Variants in ZNF407 observed in about 807,000 individuals in gnomAD.
The protein encoded by ZNF407 is zinc finger protein 407.
ZNF407 carries 17 observed loss-of-function variants against 131.2 expected under a neutral mutation model. That is an observed-to-expected ratio of 0.13 (90% confidence interval 0.09 to 0.19). ZNF407 has a LOEUF of 0.19. Ranked by LOEUF, ZNF407 falls within the 10% of genes least tolerant of loss-of-function variation. ZNF407 has a pLI of 1.00. For synonymous variants in ZNF407, 1,156 were observed against 1,062.0 expected (o/e 1.09, Z -1.72); for missense variants, 2,681 against 2,830.6 (o/e 0.95, Z 1.20).
intron 8 of ZNF407, among the ~76,000 whole-genome samples, chr18:75,015,745 G>T (rs1049984845): frequency 6.6e-6 from 1 of 151,500 alleles, no homozygotes; most frequent in Admixed American, 6.6e-5. Flanking sequence ...CTCATCAAAA[G>T]TACCCTGGCA....
In ZNF407 at chr18:74,932,193, A is replaced by C. The variant is rs187264984; in HGVS notation, c.5428+11501A>C. Among the ~76,000 whole-genome samples, 11 of 152,302 alleles carry C rather than the reference A, an allele frequency of 7.2e-5. No homozygotes were observed. The East Asian group carries it at 2.1e-3, about 29-fold the overall frequency. ...CACTTTACATTTAGTTCTGTGATCC[A>C]CTTTGAGTCATATTTTGTATAACAT... On this transcript the variant is annotated intron_variant, in intron 8 of 8. Coordinates refer to ENST00000299687, the MANE Select transcript of ZNF407 (RefSeq NM_017757.3).
chr18:74,607,661 A>G (rs117709715), intron 1 of ZNF407, among the ~76,000 whole-genome samples: 2,226 of 152,272 alleles, frequency 0.015, 29 homozygotes, highest in Non-Finnish European at 0.021. Context: ...TAGAGTGTAT[A>G]GGAGTGAAAA....
chr18:74,647,498 A>G (rs1985027526), intron 3 of ZNF407, among the ~76,000 whole-genome samples: 1 of 151,710 alleles, frequency 6.6e-6, no homozygotes, highest in Non-Finnish European at 1.5e-5. Context: ...CCTGATCCCC[A>G]CAGTAGAATA....
intron 3 of ZNF407, among the ~76,000 whole-genome samples, chr18:74,662,670 G>A (rs6566054): frequency 0.62 from 94,379 of 152,120 alleles, 30,822 homozygotes; most frequent in East Asian, 0.81. Flanking sequence ...GCCAGGCATA[G>A]CAGCAGACAG....
intron 1 of ZNF407, among the ~76,000 whole-genome samples, chr18:74,628,016 A>G (rs1324894090): frequency 4.6e-5 from 7 of 152,114 alleles, no homozygotes; most frequent in East Asian, 1.9e-4. Context: ...CTGGGACTAC[A>G]GGTTCACACC....
chr18:74,617,687 C>T (rs933092974), intron 1 of ZNF407, among the ~76,000 whole-genome samples: 2 of 152,186 alleles, frequency 1.3e-5, no homozygotes, highest in African/African-American at 2.4e-5. Flanking sequence ...TGGAGACACA[C>T]TGTGTCCATC....
At chr18:74,640,140 A>G (rs1217776476) in intron 2 of ZNF407, among the ~76,000 whole-genome samples, 3 of 152,036 alleles carry the variant, frequency 2.0e-5, no homozygotes, top group Admixed American at 6.6e-5. Flanking sequence ...TGGTGTATCT[A>G]TTTTATGTCT....
At chr18:75,020,227 G>A (rs1004988266) in intron 8 of ZNF407, among the ~76,000 whole-genome samples, 1 of 152,026 alleles carries the variant, frequency 6.6e-6, no homozygotes, top group African/African-American at 2.4e-5. Flanking sequence ...GTATGTGTAT[G>A]TAGGAAAAAG....
At chr18:74,873,609 C>A (rs1971116858) in intron 4 of ZNF407, among the ~76,000 whole-genome samples, 1 of 152,084 alleles carries the variant, frequency 6.6e-6, no homozygotes, top group Admixed American at 6.5e-5. Context: ...AGCCTGTAAT[C>A]CCAGCAGGAG....
At chr18:74,982,204 G>T (rs1972601023) in intron 8 of ZNF407, among the ~76,000 whole-genome samples, 1 of 152,070 alleles carries the variant, frequency 6.6e-6, no homozygotes. Flanking sequence ...TCAACATCAT[G>T]TGTCTTTAAA....
chr18:74,611,287 C>A (rs1983048917), intron 1 of ZNF407, among the ~76,000 whole-genome samples: 1 of 152,164 alleles, frequency 6.6e-6, no homozygotes, highest in Admixed American at 6.5e-5. Context: ...ATATGTTTGA[C>A]AACACTAATG....
intron 3 of ZNF407, among the ~76,000 whole-genome samples, chr18:74,690,239 A>T (rs886751747): frequency 6.6e-6 from 1 of 152,224 alleles, no homozygotes; most frequent in African/African-American, 2.4e-5. Flanking sequence ...TAGACTCTTA[A>T]TAAAGGACCC....
intron 5 of ZNF407, among the ~76,000 whole-genome samples, chr18:74,880,642 C>T (rs1420841682): frequency 2.6e-5 from 4 of 152,154 alleles, no homozygotes; most frequent in Non-Finnish European, 5.9e-5. Flanking sequence ...TAAGCAGAAC[C>T]ATATATACTG....
At chr18:74,785,903 G>A (rs540608286) in intron 4 of ZNF407, among the ~76,000 whole-genome samples, 1 of 151,534 alleles carries the variant, frequency 6.6e-6, no homozygotes, top group Non-Finnish European at 1.5e-5. Flanking sequence ...ACTCACATGG[G>A]ACACACATGT....
At chr18:74,675,825 C>T (rs965200777) in intron 3 of ZNF407, among the ~76,000 whole-genome samples, 11 of 152,182 alleles carry the variant, frequency 7.2e-5, no homozygotes, top group Non-Finnish European at 1.5e-4. Context: ...ACTCATTTCC[C>T]TCCCAGTGAC....
intron 4 of ZNF407, among the ~76,000 whole-genome samples, chr18:74,825,653 C>CT (rs948248004): frequency 1.3e-5 from 2 of 152,086 alleles, no homozygotes; most frequent in Non-Finnish European, 2.9e-5. Flanking sequence ...GGTTGTGGCT[C>CT]TGTGTGTCTG....
intron 1 of ZNF407, among the ~76,000 whole-genome samples, chr18:74,627,892 C>A (rs1376432844): frequency 1.0e-5 from 1 of 99,236 alleles, no homozygotes; most frequent in Non-Finnish European, 1.8e-5. Context: ...CTTTCTTTTT[C>A]GAGACAGGGT....
At chr18:74,938,167 T>C (rs1475386834) in intron 8 of ZNF407, among the ~76,000 whole-genome samples, 2 of 152,226 alleles carry the variant, frequency 1.3e-5, no homozygotes, top group Non-Finnish European at 2.9e-5. Context: ...TTGACCTTAT[T>C]TATGACCTTC....
intron 1 of ZNF407, among the ~76,000 whole-genome samples, chr18:74,622,876 G>A (rs1983587226): frequency 8.1e-6 from 1 of 123,300 alleles, no homozygotes. Context: ...AAATGCATGT[G>A]TGTCAGCCTA....
Sources: allele counts gnomAD v4.1 joint callset (sites outside exome capture counted in the v4.1 genomes callset), GRCh38; gene constraint gnomAD v4.1.1; transcripts MANE v1.5; gene names NCBI Gene and HGNC (gene_info 2026-07-23, HGNC 2026-07-21).